TLK1: variants seen among roughly 807,000 people sequenced by gnomAD.
The protein encoded by TLK1 is serine/threonine-protein kinase tousled-like 1.
TLK1 carries 24 observed loss-of-function variants against 105.3 expected under a neutral mutation model. The ratio of observed to expected loss-of-function variants is 0.23; its 90% CI spans 0.17 to 0.32. The LOEUF (loss-of-function observed/expected upper bound fraction) is 0.32. Among genes scored for constraint, TLK1 ranks in the 10% least tolerant of loss-of-function variants. The probability of loss-of-function intolerance (pLI) is 1.00; values close to 1 mark genes in which losing one functional copy is unlikely to be tolerated. For synonymous variants in TLK1, 321 were observed against 310.4 expected, an observed-to-expected ratio of 1.03 and a Z score of -0.36; for missense variants, 558 against 910.5, an observed-to-expected ratio of 0.61 and a Z score of 4.98.
intron 19 of TLK1, 24 bp downstream of exon 19, chr2:170,997,688 G>A (rs1684129676): frequency 1.3e-6 from 2 of 1,492,752 alleles, no homozygotes; most frequent in Non-Finnish European, 1.8e-6. Flanking sequence ...CTGTAGAGCT[G>A]AAGGCTGGTA....
At chr2:171,033,177 G>A (rs928017416) in intron 11 of TLK1, among the ~76,000 whole-genome samples, 3 of 152,092 alleles carry the variant, frequency 2.0e-5, no homozygotes, top group African/African-American at 7.3e-5. Flanking sequence ...CTGCACTTCA[G>A]CCTGGGTGAC....
chr2:171,213,878 A>G (rs999068299), intron 1 of TLK1, among the ~76,000 whole-genome samples: 1 of 148,642 alleles, frequency 6.7e-6, no homozygotes, highest in Middle Eastern at 3.5e-3. Flanking sequence ...ACATGCCACC[A>G]TGCCCAGCAA....
intron 2 of TLK1, among the ~76,000 whole-genome samples, chr2:171,114,044 T>A (rs1225734750): frequency 6.6e-6 from 1 of 152,188 alleles, no homozygotes; most frequent in African/African-American, 2.4e-5. Context: ...TTACCAGATG[T>A]CAAATGGGCC....
chr2:171,158,746 T>C (rs1339759790), intron 1 of TLK1, among the ~76,000 whole-genome samples: 1 of 152,224 alleles, frequency 6.6e-6, no homozygotes, highest in African/African-American at 2.4e-5. Context: ...AACTTCTCTA[T>C]GAAATACATT....
At chr2:170,998,075 T>C (rs903917144) in intron 18 of TLK1, among the ~76,000 whole-genome samples, 1 of 93,830 alleles carries the variant, frequency 1.1e-5, no homozygotes, top group Non-Finnish European at 2.4e-5. Flanking sequence ...TCTATCTATC[T>C]ATCTATCTAT....
chr2:171,066,799 T>C (rs1312559029), intron 3 of TLK1: 1 of 1,544,416 alleles, frequency 6.5e-7, no homozygotes, highest in South Asian at 1.2e-5. Flanking sequence ...GTATATACTA[T>C]AAAATTAGAA....
intron 1 of TLK1, among the ~76,000 whole-genome samples, chr2:171,210,089 T>C (rs1310138145): frequency 6.6e-6 from 1 of 152,146 alleles, no homozygotes; most frequent in African/African-American, 2.4e-5. Context: ...ATTTTCCTTA[T>C]GTTAAAAAGT....
intron 2 of TLK1, among the ~76,000 whole-genome samples, chr2:171,116,555 C>T (rs987207292): frequency 1.3e-5 from 2 of 151,996 alleles, no homozygotes; most frequent in Non-Finnish European, 2.9e-5. Context: ...CAAAAATTAG[C>T]CAGGCATGGT....
At chr2:171,016,039 C>CGT (rs1383001948) in intron 12 of TLK1, among the ~76,000 whole-genome samples, 2 of 152,080 alleles carry the variant, frequency 1.3e-5, no homozygotes, top group African/African-American at 2.4e-5. Flanking sequence ...GATCGTGCCA[C>CGT]TGCACTTCAG....
chr2:171,102,239 G>T (rs1689723175), intron 2 of TLK1, among the ~76,000 whole-genome samples: 1 of 152,020 alleles, frequency 6.6e-6, no homozygotes, highest in African/African-American at 2.4e-5. Context: ...AATTGACCCT[G>T]CCATGGAAGA....
upstream of TLK1, among the ~76,000 whole-genome samples, chr2:171,161,272 C>G (rs1418619937): frequency 1.3e-5 from 2 of 151,840 alleles, no homozygotes; most frequent in Non-Finnish European, 2.9e-5. Flanking sequence ...GCGCGCCTCT[C>G]TCCTGACCCA....
chr2:171,177,715 G>A (rs1011049610), intron 1 of TLK1, among the ~76,000 whole-genome samples: 3 of 152,146 alleles, frequency 2.0e-5, no homozygotes, highest in Admixed American at 6.5e-5. Flanking sequence ...AAAGGATATG[G>A]GAGCATGTCC....
At chr2:171,204,192 T>C (rs950065617) in intron 1 of TLK1, among the ~76,000 whole-genome samples, 1 of 152,224 alleles carries the variant, frequency 6.6e-6, no homozygotes, top group Non-Finnish European at 1.5e-5. Context: ...ATTAGAATAT[T>C]TCTCCATTAC....
rs146841391 is a variant in TLK1, at chr2:171,043,132, T to A, written c.1169+3042A>T. The stretch of plus-strand genomic sequence containing the variant: ...ACAGAGAATGAGGGAAAGAGAAACA[T>A]TAAGATGACAGGCAGATTCCTAGTG... On this transcript the variant is annotated intron_variant, in intron 11 of 20. Transcript: ENST00000431350. Among the ~76,000 whole-genome samples, 291 of 151,886 alleles carry A rather than the reference T, an allele frequency of 1.9e-3. 1 individual carries two copies. Among genetic ancestry groups the A allele is most frequent in the African/African-American group, 6.4e-3 (266 of 41,400 alleles).
chr2:171,206,717 T>C (rs1230063108), intron 1 of TLK1, among the ~76,000 whole-genome samples: 1 of 152,190 alleles, frequency 6.6e-6, no homozygotes, highest in Non-Finnish European at 1.5e-5. Flanking sequence ...AAAAGTCCCC[T>C]TGACGTGAGG....
chr2:170,997,827 TA>T lies in TLK1; in HGVS notation c.1905-5del. The T allele has an allele frequency of 1.9e-6, 3 of 1,571,130 alleles. No homozygotes were observed. The East Asian group carries it at 6.8e-5, about 35-fold the overall frequency. ...AAAACACTCAGGAGGTAAATACCTG[TA>T]AGTTTTGTGGGAGAGAAAAAAGGTT... On this transcript the variant is annotated splice_region_variant and splice_polypyrimidine_tract_variant and intron_variant, in intron 18 of 20. Transcript: ENST00000431350.
At chr2:171,040,566 T>C (rs1686617625) in intron 11 of TLK1, among the ~76,000 whole-genome samples, 1 of 97,180 alleles carries the variant, frequency 1.0e-5, no homozygotes, top group Admixed American at 1.8e-4. Flanking sequence ...TATTCCTTTT[T>C]TGTTTTTTTT....
chr2:171,021,896 G>A (rs1164985274), intron 12 of TLK1, among the ~76,000 whole-genome samples: 1 of 151,836 alleles, frequency 6.6e-6, no homozygotes, highest in African/African-American at 2.4e-5. Flanking sequence ...TCAGGAGTTC[G>A]ACACCAGCCT....
intron 2 of TLK1, among the ~76,000 whole-genome samples, chr2:171,098,969 C>T (rs1396529482): frequency 6.6e-6 from 1 of 152,106 alleles, no homozygotes; most frequent in African/African-American, 2.4e-5. Flanking sequence ...CTTCCTCAAC[C>T]TGAGAAAGGA....
Sources: gnomAD v4.1 joint callset for allele counts (sites outside exome capture counted in the v4.1 genomes callset) on GRCh38, gnomAD v4.1.1 for gene constraint, MANE v1.5 for transcripts, NCBI Gene and HGNC (gene_info 2026-07-23, HGNC 2026-07-21) for gene names.